The following FAAH2 variants were observed in gnomAD, a reference collection of about 807,000 sequenced individuals.
FAAH2 encodes the protein fatty-acid amide hydrolase 2.
FAAH2 carries 60 observed loss-of-function variants against 36.9 expected under a neutral mutation model. The ratio of observed to expected loss-of-function variants is 1.63; its 90% CI spans 1.32 to 2.02. The LOEUF (loss-of-function observed/expected upper bound fraction) is 2.02, where lower values mean the gene tolerates loss of function less well. FAAH2 is among the 30% of genes most tolerant of loss of function. The pLI, the probability that FAAH2 is intolerant of heterozygous loss-of-function variation, is 0.00. For missense variants in FAAH2, 689 were observed against 397.5 expected, an observed-to-expected ratio of 1.73 and a Z score of -6.23; for synonymous variants, 214 against 143.8, an observed-to-expected ratio of 1.49 and a Z score of -3.49.
the FAAH2 span, among the ~76,000 whole-genome samples, chrX:57,229,860 C>T: frequency 5.5e-4 from 61 of 111,504 alleles, no homozygotes; most frequent in African/African-American, 2.0e-3. Flanking sequence ...GATATTTACC[C>T]ATTACACTTT....
At chrX:57,331,015 C>T (rs917940381) in intron 3 of FAAH2, among the ~76,000 whole-genome samples, 1 of 110,747 alleles carries the variant, frequency 9.0e-6, no homozygotes, top group Non-Finnish European at 1.9e-5. Context: ...TGGACTGGAC[C>T]TGAATCATGG....
chrX:57,288,347 T>TTTTTTTTTTTTTTTTTTTTTTTA, intron 1 of FAAH2, among the ~76,000 whole-genome samples: 1 of 77,817 alleles, frequency 1.3e-5, no homozygotes, highest in African/African-American at 5.4e-5. Flanking sequence ...TCTTTTTTTT[T>TTTTTTTTTTTTTTTTTTTTTTTA]TTTTTTTTTT....
At chrX:57,132,233 G>C in the FAAH2 span, among the ~76,000 whole-genome samples, 3 of 111,920 alleles carry the variant, frequency 2.7e-5, no homozygotes, top group African/African-American at 9.7e-5. Flanking sequence ...ACTCCCTTTG[G>C]GGTACCTGTT....
the FAAH2 span, among the ~76,000 whole-genome samples, chrX:57,265,563 A>G: frequency 9.0e-6 from 1 of 111,079 alleles, no homozygotes; most frequent in Non-Finnish European, 1.9e-5. Flanking sequence ...CAGCTGCTTT[A>G]CCAAAACATG....
At chrX:57,311,875 G>A (rs529953567) in intron 3 of FAAH2, among the ~76,000 whole-genome samples, 7 of 112,007 alleles carry the variant, frequency 6.2e-5, no homozygotes, top group African/African-American at 2.3e-4. Context: ...GGTGCACCCA[G>A]GGCTACAGCG....
chrX:57,182,459 G>A, the FAAH2 span, among the ~76,000 whole-genome samples: 1 of 111,527 alleles, frequency 9.0e-6, no homozygotes, highest in Non-Finnish European at 1.9e-5. Flanking sequence ...ATATAGAAAA[G>A]CTCAATATCA....
At chrX:57,483,745 G>A (rs1454867988) in intron 10 of FAAH2, among the ~76,000 whole-genome samples, 1 of 101,500 alleles carries the variant, frequency 9.9e-6, no homozygotes, top group African/African-American at 3.7e-5. Flanking sequence ...AGAGTCCTTG[G>A]CTCTGCTCCT....
At chrX:57,400,556 C>T (rs1022465728) in intron 7 of FAAH2, among the ~76,000 whole-genome samples, 1 of 112,353 alleles carries the variant, frequency 8.9e-6, no homozygotes, top group South Asian at 3.7e-4. Flanking sequence ...TGGGTATTGG[C>T]TTTCCGAGTT....
At position 57,399,732 on chromosome X, in the gene FAAH2, T is replaced by A. The variant is rs1244483949; in HGVS notation, c.996+18703T>A. Among the ~76,000 whole-genome samples the A allele has an allele frequency of 8.0e-5, 9 of 112,419 alleles. No individual in the cohort carries two copies. The East Asian group carries it at 2.5e-3, about 32-fold the overall frequency. On this transcript the variant is annotated intron_variant, in intron 7 of 10. Transcript: ENST00000374900. ...TGTTTGATAGGTGTTCCTTCAGAAGTTAAGAATTCCCTTTCTCTCCATATT... is the reference window on the plus strand; with the variant it reads ...TGTTTGATAGGTGTTCCTTCAGAAGATAAGAATTCCCTTTCTCTCCATATT...
intron 7 of FAAH2, among the ~76,000 whole-genome samples, chrX:57,388,188 T>C (rs2055073434): frequency 9.0e-6 from 1 of 111,589 alleles, no homozygotes; most frequent in Admixed American, 9.5e-5. Context: ...AATATTTCTC[T>C]AAAGTTAATA....
chrX:57,272,080 AAC>A, the FAAH2 span, among the ~76,000 whole-genome samples: 1 of 108,924 alleles, frequency 9.2e-6, no homozygotes, highest in Non-Finnish European at 1.9e-5. Context: ...GGAGCTGAAA[AAC>A]ACAGCATGAG....
the FAAH2 span, among the ~76,000 whole-genome samples, chrX:57,170,548 C>T: frequency 9.0e-6 from 1 of 111,549 alleles, no homozygotes; most frequent in Non-Finnish European, 1.9e-5. Flanking sequence ...GAGTACTGTA[C>T]ATTGTACCCA....
chrX:57,407,102 G>A (rs752962770), intron 7 of FAAH2, among the ~76,000 whole-genome samples: 2 of 112,118 alleles, frequency 1.8e-5, no homozygotes, highest in African/African-American at 3.2e-5. Context: ...TCCCATAATG[G>A]TGGCTCATGC....
At chrX:57,440,433 A>T (rs2056524642) in intron 8 of FAAH2, among the ~76,000 whole-genome samples, 1 of 110,857 alleles carries the variant, frequency 9.0e-6, no homozygotes, top group Non-Finnish European at 1.9e-5. Flanking sequence ...AATGCTTGTG[A>T]TTTTTGCGCA....
intron 3 of FAAH2, among the ~76,000 whole-genome samples, chrX:57,316,724 C>G (rs1262537007): frequency 9.0e-6 from 1 of 111,257 alleles, no homozygotes; most frequent in East Asian, 2.8e-4. Flanking sequence ...AAAACTAACT[C>G]AAAATAGATA....
At chrX:57,471,479 G>A (rs958476276) in intron 10 of FAAH2, among the ~76,000 whole-genome samples, 7 of 111,403 alleles carry the variant, frequency 6.3e-5, no homozygotes, top group African/African-American at 2.0e-4. Flanking sequence ...TCATGAGTGA[G>A]CTCCCATTCA....
At chrX:57,467,828 C>G (rs1038505657) in intron 10 of FAAH2, among the ~76,000 whole-genome samples, 2 of 112,017 alleles carry the variant, frequency 1.8e-5, no homozygotes, top group Non-Finnish European at 3.8e-5. Context: ...CTCCAAGTAG[C>G]CTAACTGAGA....
the FAAH2 span, among the ~76,000 whole-genome samples, chrX:57,252,321 A>G: frequency 8.9e-6 from 1 of 112,796 alleles, no homozygotes; most frequent in Admixed American, 9.3e-5. Flanking sequence ...GCATATCTGA[A>G]CAAAAGGCAG....
chrX:57,214,479 T>G, the FAAH2 span, among the ~76,000 whole-genome samples: 9 of 111,373 alleles, frequency 8.1e-5, no homozygotes, highest in African/African-American at 2.9e-4. Flanking sequence ...CAGGCTGGAG[T>G]GCAATGGTGC....
Sources: allele counts gnomAD v4.1 joint callset (sites outside exome capture counted in the v4.1 genomes callset), GRCh38; gene constraint gnomAD v4.1.1; transcripts MANE v1.5; gene names NCBI Gene and HGNC (gene_info 2026-07-23, HGNC 2026-07-21).